Variants in ADGRF1 observed in about 807,000 individuals in gnomAD.
The protein encoded by ADGRF1 is adhesion G protein-coupled receptor F1.
ADGRF1 carries 85 observed loss-of-function variants against 87.2 expected under a neutral mutation model. That is an observed-to-expected ratio of 0.97 (90% confidence interval 0.82 to 1.17). The LOEUF (loss-of-function observed/expected upper bound fraction) is 1.17. Among genes scored for constraint, ADGRF1 ranks in the 50% most tolerant of loss-of-function variants. The pLI is 0.00. For missense variants in ADGRF1, 1,169 were observed against 1,077.2 expected, an observed-to-expected ratio of 1.09 and a Z score of -1.19; for synonymous variants, 430 against 408.8, an observed-to-expected ratio of 1.05 and a Z score of -0.63.
At chr6:47,029,200 T>C in intron 1 of ADGRF1, 96 bp from the exon 2 acceptor site, 1 of 664,728 alleles carries the variant, frequency 1.5e-6, no homozygotes, top group Non-Finnish European at 2.7e-6. Flanking sequence ...CTCACTGAGC[T>C]GATCCGAACC....
rs1020460099 is a variant in ADGRF1 at position 47,003,859 on chromosome 6, T to C, written c.2592+1958A>G. Among the ~76,000 whole-genome samples, 4 of 152,278 alleles carry C rather than the reference T, an allele frequency of 2.6e-5. No homozygotes were observed. In the East Asian group the frequency reaches 7.7e-4, roughly 29 times the overall value. The stretch of plus-strand genomic sequence containing the variant: ...TGATCCTTAACCCTGGCAAACAAAC[T>C]TCTAAATTGATTGAGACCTGTCTCA... On this transcript the variant is annotated intron_variant, in intron 13 of 14. Coordinates refer to ENST00000371253, the MANE Select transcript of ADGRF1 (RefSeq NM_153840.4).
Position 46,999,930 on chromosome 6 carries a change from T to C in ADGRF1, c.*292A>G, listed in dbSNP as rs778754542. 2 of 239,162 alleles carry C rather than the reference T, an allele frequency of 8.4e-6. No homozygotes were observed. Among genetic ancestry groups the C allele is most frequent in the Non-Finnish European group, 1.6e-5 (2 of 122,306 alleles). The allele number at this position is 239,162 out of a possible 1,614,324, so 14.8% of individuals were successfully genotyped here. A position where few individuals can be genotyped will look rare whatever the true frequency, so the allele number is the denominator to read the frequency against. On this transcript the variant is annotated 3_prime_UTR_variant, in exon 15 of 15. Transcript: ENST00000371253. ...TGTGAATAATGCTGTTTTATGAAAA[T>C]AGAAACCATATTTTATGGTCAGGGT...
At chr6:47,029,728 A>G (rs1475092336) in intron 1 of ADGRF1, among the ~76,000 whole-genome samples, 1 of 152,242 alleles carries the variant, frequency 6.6e-6, no homozygotes, top group East Asian at 1.9e-4. Flanking sequence ...TGTCTAATAC[A>G]GTAGCCATTA....
At chr6:47,029,658 T>G (rs756489375) in intron 1 of ADGRF1, among the ~76,000 whole-genome samples, 8 of 152,210 alleles carry the variant, frequency 5.3e-5, no homozygotes, top group African/African-American at 7.2e-5. Context: ...GGTCACAAGA[T>G]TAATCACTTA....
At position 47,010,080 on chromosome 6, in the gene ADGRF1, C is replaced by T; in HGVS notation, c.1355G>A (p.Cys452Tyr). 6.2e-7 allele frequency: 1 copy of T among 1,614,120 alleles called. No homozygotes were observed. The highest frequency in any genetic ancestry group is 8.5e-7 in the Non-Finnish European group (1 of 1,180,026). The change falls in exon 11 of 15, where the codon TGT becomes TAT. Residue 452 changes from cysteine (C) to tyrosine (Y), a missense_variant. Cys to Tyr is a radical substitution (Grantham distance 194). Transcript: ENST00000371253. ...GATGGGAATAGATGTATTTTGGGGA[C>T]ACATTTTAATCTGATAGCTGTAACC... ...KRGYSYQIKM[C>Y]PQNTSIPIRG...
intron 2 of ADGRF1, 138 bp from the exon 3 acceptor site, chr6:47,027,899 G>T (rs767230494): frequency 1.5e-6 from 1 of 654,632 alleles, no homozygotes; most frequent in East Asian, 2.6e-5. Flanking sequence ...GCCAGGGAAG[G>T]CCTCACTGGA....
rs767564538 is a variant in ADGRF1, at chr6:47,010,106, C to T, written c.1329G>A (p.Arg443=). The change falls in exon 11 of 15, where the codon AGG becomes AGA. Residue 443 remains arginine (R), a synonymous_variant. Transcript: ENST00000371253. ...ACATTTTAATCTGATAGCTGTAACC[C>T]CTTTTGAGTTGGCTTTTGTTCACTG... ...GIPVNKSQLK[R]GYSYQIKMCP... is the part of the protein sequence containing the mutation. The T allele has an allele frequency of 2.3e-5, 37 of 1,613,966 alleles. No homozygotes were observed. The highest frequency in any genetic ancestry group is 1.6e-4 in the Middle Eastern group (1 of 6,084).
At chr6:47,010,394 C>T (rs1009897849) in intron 10 of ADGRF1, 76 bp from the exon 11 acceptor site, 4 of 1,220,002 alleles carry the variant, frequency 3.3e-6, no homozygotes, top group Non-Finnish European at 4.5e-6. Context: ...TAGTCATTAG[C>T]ATTAAGAATA....
At position 47,000,164 on chromosome 6, in the gene ADGRF1, T is replaced by G; in HGVS notation, c.*58A>C. The G allele has an allele frequency of 7.8e-7, 1 of 1,274,994 alleles. No individual in the cohort carries two copies. The highest frequency in any genetic ancestry group is 1.2e-5 in the South Asian group (1 of 82,274). 79.0% of individuals were successfully genotyped at this position (1,274,994 alleles called of 1,614,324 possible). ...CTGAGCATAATTTCTTCATTGACATTTGTCTCTAAATGTCAAGTTGTTCTG... is the reference window on the plus strand; with the variant it reads ...CTGAGCATAATTTCTTCATTGACATGTGTCTCTAAATGTCAAGTTGTTCTG... On this transcript the variant is annotated 3_prime_UTR_variant, in exon 15 of 15. Coordinates refer to ENST00000371253, the MANE Select transcript of ADGRF1 (RefSeq NM_153840.4).
At chr6:47,028,263 G>T (rs1780303829) in intron 2 of ADGRF1, among the ~76,000 whole-genome samples, 1 of 152,150 alleles carries the variant, frequency 6.6e-6, no homozygotes, top group South Asian at 2.1e-4. Flanking sequence ...TGAAGGTGTG[G>T]ATCAAGGTAG....
chr6:47,009,771 G>T lies in ADGRF1; in HGVS notation c.1664C>A (p.Thr555Asn). ...ACATTGGCACGTCACGATGTCTTGA[G>T]TTTCATTCACTAGGTGGCAGCCTGC... ...NDAGCHLVNE[T>N]QDIVTCQCTH... The change falls in exon 11 of 15, where the codon ACT (threonine) becomes AAT (asparagine). Residue 555 changes from threonine (T) to asparagine (N), a missense_variant. By Grantham distance (65) the Thr-to-Asn change is moderately conservative. Coordinates refer to ENST00000371253, the MANE Select transcript of ADGRF1 (RefSeq NM_153840.4). 1 of 1,614,148 alleles carries T rather than the reference G, an allele frequency of 6.2e-7. No individual in the cohort carries two copies. Among genetic ancestry groups the T allele is most frequent in the Non-Finnish European group, 8.5e-7 (1 of 1,180,008 alleles).
chr6:47,037,478 T>A (rs1434677239), intron 1 of ADGRF1, among the ~76,000 whole-genome samples: 1 of 152,202 alleles, frequency 6.6e-6, no homozygotes, highest in Non-Finnish European at 1.5e-5. Flanking sequence ...CTGTTAATCT[T>A]TTCCATTATG....
At chr6:47,018,619 G>A in intron 7 of ADGRF1, 2 of 1,286,546 alleles carry the variant, frequency 1.6e-6, no homozygotes, top group Non-Finnish European at 2.0e-6. Flanking sequence ...GAGAGATTAA[G>A]ATTTATTTTA....
intron 5 of ADGRF1, among the ~76,000 whole-genome samples, chr6:47,023,034 ACTC>A (rs570571240): frequency 4.6e-5 from 7 of 151,088 alleles, no homozygotes; most frequent in Non-Finnish European, 8.8e-5. Context: ...CTGGTCTCGA[ACTC>A]CTCCTGAGCT....
At chr6:47,018,617 A>G in intron 7 of ADGRF1, 1 of 1,288,098 alleles carries the variant, frequency 7.8e-7, no homozygotes, top group Middle Eastern at 2.6e-4. Flanking sequence ...GTGAGAGATT[A>G]AGATTTATTT....
At position 47,025,852 on chromosome 6, in the gene ADGRF1, A is replaced by T; in HGVS notation, c.277+2T>A. ...ACATCCAGTCACCGAGAGCCACCTT[A>T]CCTGTGGTAGCCTTTGCTCTGATAA... is the stretch of plus-strand genomic sequence containing the variant. On this transcript the variant is annotated splice_donor_variant, in intron 4 of 14. Coordinates refer to ENST00000371253, the MANE Select transcript of ADGRF1 (RefSeq NM_153840.4). LOFTEE classifies it high-confidence loss of function. 1 of 1,580,750 alleles carries T rather than the reference A, an allele frequency of 6.3e-7. No homozygotes were observed. Among genetic ancestry groups the T allele is most frequent in the Non-Finnish European group, 8.6e-7 (1 of 1,158,362 alleles).
intron 1 of ADGRF1, among the ~76,000 whole-genome samples, chr6:47,040,490 A>G (rs983791462): frequency 1.6e-5 from 1 of 63,266 alleles, no homozygotes; most frequent in Non-Finnish European, 3.2e-5. Context: ...AAATAAAATA[A>G]AAAAAAAAAC....
At chr6:47,030,510 C>T (rs919002572) in intron 1 of ADGRF1, among the ~76,000 whole-genome samples, 3 of 151,256 alleles carry the variant, frequency 2.0e-5, no homozygotes, top group East Asian at 1.9e-4. Flanking sequence ...ATTTTTCTCT[C>T]GAGCAGTGTT....
At chr6:47,024,325 A>G (rs1198266073) in intron 4 of ADGRF1, 108 bp from the exon 5 acceptor site, 3 of 801,428 alleles carry the variant, frequency 3.7e-6, no homozygotes, top group Non-Finnish European at 5.9e-6. Flanking sequence ...AACTTCCTAC[A>G]TCTTCTATGA....
Sources: allele counts gnomAD v4.1 joint callset (sites outside exome capture counted in the v4.1 genomes callset), GRCh38; gene constraint gnomAD v4.1.1; transcripts MANE v1.5; gene names NCBI Gene and HGNC (gene_info 2026-07-23, HGNC 2026-07-21).